Variants in RPS24 observed in about 807,000 individuals in gnomAD.
The protein encoded by RPS24 is small ribosomal subunit protein eS24.
For synonymous variants in RPS24, 72 were observed against 55.6 expected (o/e 1.30, Z -1.31); for missense variants, 100 against 162.5 (o/e 0.62, Z 2.09).
At chr10:78,042,796 A>G (rs567399525), downstream of RPS24, among the ~76,000 whole-genome samples, 23 of 148,578 alleles carry the variant, frequency 1.5e-4, no homozygotes, top group East Asian at 4.7e-3. Context: ...AGCTTTTCCT[A>G]GCACCACAAC....
At chr10:78,042,595 G>A (rs544728724), downstream of RPS24, among the ~76,000 whole-genome samples, 7 of 152,312 alleles carry the variant, frequency 4.6e-5, no homozygotes, top group East Asian at 1.2e-3. Flanking sequence ...CTTTGGAAGA[G>A]CCTCCATAAA....
At chr10:78,036,236 A>G (rs922595138) in intron 3 of RPS24, 4 of 179,602 alleles carry the variant, frequency 2.2e-5, no homozygotes, top group African/African-American at 9.5e-5. Context: ...ACTTTATCCT[A>G]TCCTGTTAGA....
At chr10:78,037,879 C>T (rs1232699898) in intron 4 of RPS24, 2 of 934,390 alleles carry the variant, frequency 2.1e-6, no homozygotes, top group Non-Finnish European at 2.9e-6. Context: ...GTTAAATTAA[C>T]AAATAATCAA....
exon 5 of RPS24, chr10:78,055,229 C>G (rs1490717713): frequency 1.8e-6 from 1 of 570,364 alleles, no homozygotes; most frequent in Non-Finnish European, 2.6e-6. Flanking sequence ...CCTCCCACCA[C>G]CTTCCAGCTC....
chr10:78,054,964 C>T, exon 5 of RPS24: 1 of 1,485,830 alleles, frequency 6.7e-7, no homozygotes, highest in Non-Finnish European at 9.0e-7. Flanking sequence ...CACCAGGAAT[C>T]CAGCTGCTTC....
chr10:78,053,718 C>T (rs1848123273), intron 4 of RPS24, among the ~76,000 whole-genome samples: 1 of 152,074 alleles, frequency 6.6e-6, no homozygotes. Flanking sequence ...GCTTTCCCCT[C>T]TCATAAAAAG....
rs149108899 is a variant in RPS24 at position 78,034,226 on chromosome 10, C to G, written c.3+322C>G. 1.6e-3 allele frequency: 811 copies of G among 518,398 alleles called. 10 individuals are homozygous for G. The East Asian group carries it at 0.021, about 13-fold the overall frequency. 32.1% of individuals were successfully genotyped at this position (518,398 alleles called of 1,614,324 possible). ...ATGGACACTGGGAGGCACATCTCGTCTGCAGTTCCTCATTGGGCTAGGTAG... is the reference window on the plus strand; with the variant it reads ...ATGGACACTGGGAGGCACATCTCGTGTGCAGTTCCTCATTGGGCTAGGTAG... On this transcript the variant is annotated intron_variant, in intron 1 of 5. Transcript: ENST00000372360.
intron 4 of RPS24, among the ~76,000 whole-genome samples, chr10:78,051,391 G>A (rs757463668): frequency 7.2e-5 from 11 of 152,118 alleles, no homozygotes; most frequent in Non-Finnish European, 7.4e-5. Flanking sequence ...TAATGTTTCC[G>A]TGCTATGTCC....
intron 4 of RPS24, among the ~76,000 whole-genome samples, chr10:78,047,537 A>G (rs1195839575): frequency 1.3e-5 from 2 of 152,212 alleles, no homozygotes; most frequent in Non-Finnish European, 2.9e-5. Context: ...GGAAGCATGA[A>G]AAAAGCTTGA....
At chr10:78,056,648 T>C (rs746474413) in exon 5 of RPS24, 1 of 152,156 alleles carries the variant, frequency 6.6e-6, no homozygotes, top group African/African-American at 2.4e-5. Context: ...GACATTTTGC[T>C]ACCACAAGTG....
intron 4 of RPS24, among the ~76,000 whole-genome samples, chr10:78,051,794 G>C (rs1479537111): frequency 6.6e-6 from 1 of 152,070 alleles, no homozygotes; most frequent in East Asian, 1.9e-4. Context: ...GTTTTGATTT[G>C]CATTTCATAA....
At chr10:78,043,127 C>A (rs1848004509), downstream of RPS24, among the ~76,000 whole-genome samples, 1 of 152,108 alleles carries the variant, frequency 6.6e-6, no homozygotes, top group African/African-American at 2.4e-5. Context: ...CCTCAGCCTC[C>A]CAAGTAGCTG....
rs545082117 is a variant in RPS24, at chr10:78,053,951, C to T, written c.391-580C>T. Among the ~76,000 whole-genome samples, 31 of 152,208 alleles carry T rather than the reference C, an allele frequency of 2.0e-4. 1 individual carries two copies. Among genetic ancestry groups the T allele is most frequent in the Admixed American group, 1.9e-3 (29 of 15,296 alleles). ...TGGTCTGGAGGAAGCAGTATGGCTT[C>T]CTGGGGAAGGGGGATTTGAGCTGAG... On this transcript the variant is annotated intron_variant, in intron 4 of 4. Transcript: ENST00000440692.
intron 1 of RPS24, 23 bp downstream of exon 1, chr10:78,033,927 A>C: frequency 1.2e-6 from 2 of 1,614,000 alleles, no homozygotes; most frequent in Non-Finnish European, 1.7e-6. Flanking sequence ...GGGCCCGTGC[A>C]GTCATCTGCC....
At chr10:78,044,042 A>G (rs1848016315), downstream of RPS24, among the ~76,000 whole-genome samples, 2 of 152,222 alleles carry the variant, frequency 1.3e-5, no homozygotes, top group Admixed American at 6.5e-5. Context: ...GAGTTCATGC[A>G]GCCTACTACA....
downstream of RPS24, among the ~76,000 whole-genome samples, chr10:78,043,650 C>T (rs1848011396): frequency 6.6e-6 from 1 of 152,200 alleles, no homozygotes; most frequent in Non-Finnish European, 1.5e-5. Context: ...CTTGAAAGCT[C>T]TGAGGTAGTT....
chr10:78,048,009 GT>G (rs1297013464), intron 4 of RPS24, among the ~76,000 whole-genome samples: 1 of 152,236 alleles, frequency 6.6e-6, no homozygotes, highest in Non-Finnish European at 1.5e-5. Context: ...GGATGAGAGA[GT>G]GGTGCTGAGA....
At chr10:78,037,358 T>C in intron 4 of RPS24, 54 bp downstream of exon 4, 2 of 1,544,470 alleles carry the variant, frequency 1.3e-6, no homozygotes, top group Non-Finnish European at 1.7e-6. Context: ...GTCTTTAGTT[T>C]CTAGGAAAGA....
chr10:78,036,781 C>A (rs575632483), intron 3 of RPS24, among the ~76,000 whole-genome samples: 131 of 152,186 alleles, frequency 8.6e-4, no homozygotes, highest in Non-Finnish European at 1.4e-3. Flanking sequence ...TGAGTAGATC[C>A]GGAATCTCCA....
Sources: gnomAD v4.1 joint callset for allele counts (sites outside exome capture counted in the v4.1 genomes callset) on GRCh38, gnomAD v4.1.1 for gene constraint, MANE v1.5 for transcripts, NCBI Gene and HGNC (gene_info 2026-07-23, HGNC 2026-07-21) for gene names.